The following PCP4 variants were observed in gnomAD, a reference collection of about 807,000 sequenced individuals.
The protein encoded by PCP4 is Purkinje cell protein 4.
PCP4 carries 8 observed loss-of-function variants against 10.0 expected under a neutral mutation model. The ratio of observed to expected loss-of-function variants is 0.80; its 90% CI spans 0.47 to 1.45. The LOEUF (loss-of-function observed/expected upper bound fraction) is 1.45, where lower values mean the gene tolerates loss of function less well. Ranked by LOEUF, PCP4 falls within the 40% of genes most tolerant of loss-of-function variation. PCP4 has a pLI of 0.00. For synonymous variants in PCP4, 21 were observed against 23.0 expected (o/e 0.91, Z 0.24); for missense variants, 54 against 74.4 (o/e 0.73, Z 1.01).
chr21:39,923,850 A>C (rs1443309006), intron 2 of PCP4, among the ~76,000 whole-genome samples: 1 of 152,218 alleles, frequency 6.6e-6, no homozygotes, highest in Non-Finnish European at 1.5e-5. Context: ...GGCCACTAGG[A>C]GGGCGTGGTG....
chr21:39,888,672 G>A (rs541236754), intron 1 of PCP4, among the ~76,000 whole-genome samples: 2 of 152,312 alleles, frequency 1.3e-5, no homozygotes, highest in African/African-American at 2.4e-5. Flanking sequence ...TCCCCTCCAC[G>A]CTGAGATGGT....
In PCP4 at chr21:39,898,722, C is replaced by T. The variant is rs958949683; in HGVS notation, c.61+195C>T. ...GAAGAAAACTGAGCTAGCTAAATGC[C>T]GTGATAAGAAGTTTCCCTTCCATAG... On this transcript the variant is annotated intron_variant, in intron 2 of 2. Transcript: ENST00000328619. 5.3e-5 allele frequency among the ~76,000 whole-genome samples: 8 copies of T among 152,236 alleles called. 1 individual carries two copies. In the South Asian group the frequency reaches 1.0e-3, roughly 20 times the overall value.
At chr21:39,913,528 T>C (rs999079633) in intron 2 of PCP4, among the ~76,000 whole-genome samples, 2 of 152,224 alleles carry the variant, frequency 1.3e-5, no homozygotes, top group African/African-American at 4.8e-5. Context: ...TATTTGAAAA[T>C]ATGGGACTTC....
At chr21:39,919,614 T>C (rs1043278262) in intron 2 of PCP4, among the ~76,000 whole-genome samples, 4 of 152,190 alleles carry the variant, frequency 2.6e-5, no homozygotes, top group Non-Finnish European at 4.4e-5. Flanking sequence ...GTGATAAATA[T>C]GTAAATTAAA....
intron 2 of PCP4, among the ~76,000 whole-genome samples, chr21:39,924,633 G>T (rs1430314666): frequency 6.6e-6 from 1 of 152,118 alleles, no homozygotes; most frequent in East Asian, 1.9e-4. Flanking sequence ...CACCTCCCGG[G>T]CTCCAGTGAT....
chr21:39,870,639 C>T (rs980209739), intron 1 of PCP4, among the ~76,000 whole-genome samples: 3 of 152,166 alleles, frequency 2.0e-5, no homozygotes, highest in African/African-American at 7.2e-5. Context: ...TTCAAAAGAA[C>T]TCATTTAGGA....
Position 39,926,143 on chromosome 21 carries a change from C to T in PCP4, c.62-2841C>T, listed in dbSNP as rs145956420. ...CAGCATCTGACCTTCCCCGCCGCCCCGGGAACTGGACTCTCTGAAGTATAC... is the reference window on the plus strand; with the variant it reads ...CAGCATCTGACCTTCCCCGCCGCCCTGGGAACTGGACTCTCTGAAGTATAC... On this transcript the variant is annotated intron_variant, in intron 2 of 2. Transcript: ENST00000328619. The T allele has an allele frequency of 7.6e-3, 3,406 of 450,614 alleles. 21 individuals carry two copies. Among genetic ancestry groups the T allele is most frequent in the Non-Finnish European group, 9.6e-3 (2,149 of 223,682 alleles). The allele number at this position is 450,614 out of a possible 1,614,324, so 27.9% of individuals were successfully genotyped here. A position where few individuals can be genotyped will look rare whatever the true frequency, so the allele number is the denominator to read the frequency against.
In PCP4 at chr21:39,928,989, C is replaced by A. The variant is rs1336524954; in HGVS notation, c.67C>A (p.Gln23Lys). The change falls in exon 3 of 3, where the codon CAG becomes AAG. Residue 23 changes from glutamine to lysine, a missense_variant. Transcript: ENST00000328619. ...TTGTGTTTGTCTTGCTACAGATGGA[C>A]AGAAGAAAGTTCAAGAAGAATTTGA... is the stretch of plus-strand genomic sequence containing the variant. ...KDKTSGENDG[Q>K]KKVQEEFDID... 2 of 1,612,208 alleles carry A rather than the reference C, an allele frequency of 1.2e-6. No individual in the cohort carries two copies. Among genetic ancestry groups the A allele is most frequent in the Admixed American group, 1.7e-5 (1 of 59,804 alleles).
intron 1 of PCP4, among the ~76,000 whole-genome samples, chr21:39,880,172 ATATCTATATCTATATC>A (rs2087367774): frequency 6.9e-6 from 1 of 145,196 alleles, no homozygotes; most frequent in Admixed American, 6.7e-5. Flanking sequence ...ATCTATATCT[ATATCTATATCTATATC>A]TATCTATATC....
In PCP4 at chr21:39,899,033, G is replaced by A. The variant is rs954865710; in HGVS notation, c.61+506G>A. Among the ~76,000 whole-genome samples the A allele has an allele frequency of 5.9e-5, 9 of 152,172 alleles. No individual in the cohort carries two copies. In the South Asian group the frequency reaches 1.9e-3, roughly 32 times the overall value. On this transcript the variant is annotated intron_variant, in intron 2 of 2. Coordinates refer to ENST00000328619, the MANE Select transcript of PCP4 (RefSeq NM_006198.3). The stretch of plus-strand genomic sequence containing the variant: ...CAAATAAAAATGATAGCAGTGACAG[G>A]AACATTGCATCCTGCCTCTTCATGG...
chr21:39,909,198 A>G lies in PCP4; in HGVS notation c.61+10671A>G, dbSNP rs551655762. ...TTCCAGCATTAATTCGAAGGAGTAGATATTACAGTTATTATAATGACAATT... is the reference window on the plus strand; with the variant it reads ...TTCCAGCATTAATTCGAAGGAGTAGGTATTACAGTTATTATAATGACAATT... On this transcript the variant is annotated intron_variant, in intron 2 of 2. Transcript: ENST00000328619. 5.9e-5 allele frequency among the ~76,000 whole-genome samples: 9 copies of G among 152,308 alleles called. No individual in the cohort carries two copies. The East Asian group carries it at 1.7e-3, about 29-fold the overall frequency.
At chr21:39,915,546 T>A (rs746110516) in intron 2 of PCP4, among the ~76,000 whole-genome samples, 17 of 152,218 alleles carry the variant, frequency 1.1e-4, no homozygotes, top group Non-Finnish European at 1.8e-4. Flanking sequence ...AGAAGGATTC[T>A]GGAGGTAGAT....
chr21:39,918,603 T>C (rs1360937950), intron 2 of PCP4, among the ~76,000 whole-genome samples: 1 of 152,168 alleles, frequency 6.6e-6, no homozygotes, highest in African/African-American at 2.4e-5. Context: ...GAAATGCGAA[T>C]TGTGTTTTTG....
chr21:39,911,248 T>C (rs1219294364), intron 2 of PCP4, among the ~76,000 whole-genome samples: 1 of 152,142 alleles, frequency 6.6e-6, no homozygotes, highest in Non-Finnish European at 1.5e-5. Flanking sequence ...TTTGTTGAAA[T>C]AACAACTATT....
chr21:39,905,415 T>G (rs183364841), intron 2 of PCP4, among the ~76,000 whole-genome samples: 1 of 152,328 alleles, frequency 6.6e-6, no homozygotes, highest in Non-Finnish European at 1.5e-5. Context: ...ACATTGGAAT[T>G]GCTTATTAAG....
intron 2 of PCP4, among the ~76,000 whole-genome samples, chr21:39,907,762 A>T (rs2299768): frequency 0.55 from 82,686 of 151,514 alleles, 23,039 homozygotes; most frequent in East Asian, 0.78. Flanking sequence ...GTGCCACTGC[A>T]CTCCAGCCTG....
chr21:39,880,158 C>CTATA (rs1568850637), intron 1 of PCP4, among the ~76,000 whole-genome samples: 1 of 150,154 alleles, frequency 6.7e-6, no homozygotes, highest in South Asian at 2.1e-4. Flanking sequence ...ATATCTATAT[C>CTATA]TATATCTATA....
At chr21:39,869,190 C>A (rs1313843607) in intron 1 of PCP4, among the ~76,000 whole-genome samples, 2 of 152,186 alleles carry the variant, frequency 1.3e-5, no homozygotes, top group Non-Finnish European at 2.9e-5. Flanking sequence ...GTCAGCTACC[C>A]TGGGATTCTG....
chr21:39,916,347 C>T (rs549845683), intron 2 of PCP4, among the ~76,000 whole-genome samples: 353 of 152,328 alleles, frequency 2.3e-3, no homozygotes, highest in Non-Finnish European at 4.0e-3. Context: ...ATATTTCTCT[C>T]CTCCCCTGGC....
Sources: gnomAD v4.1 joint callset for allele counts (sites outside exome capture counted in the v4.1 genomes callset) on GRCh38, gnomAD v4.1.1 for gene constraint, MANE v1.5 for transcripts, NCBI Gene and HGNC (gene_info 2026-07-23, HGNC 2026-07-21) for gene names.